RNF212: variants seen among roughly 807,000 people sequenced by gnomAD.
RNF212 encodes ring finger protein 212, also known as probable E3 SUMO-protein ligase RNF212.
RNF212 carries 33 observed loss-of-function variants against 34.7 expected under a neutral mutation model. That is an observed-to-expected ratio of 0.95 (90% confidence interval 0.72 to 1.27). RNF212 has a LOEUF of 1.27. Ranked by LOEUF, RNF212 falls within the 50% of genes most tolerant of loss-of-function variation. The pLI is 0.00. For synonymous variants in RNF212, 140 were observed against 136.1 expected (o/e 1.03, Z -0.20); for missense variants, 377 against 362.2 (o/e 1.04, Z -0.33).
At chr4:1,110,807 C>G (rs369975404) in intron 1 of RNF212, among the ~76,000 whole-genome samples, 6 of 152,164 alleles carry the variant, frequency 3.9e-5, no homozygotes, top group Non-Finnish European at 8.8e-5. Context: ...CCCTTTTCAC[C>G]ACTTTTTTGT....
intron 3 of RNF212, among the ~76,000 whole-genome samples, chr4:1,062,487 G>C (rs1200858604): frequency 2.0e-5 from 3 of 152,104 alleles, no homozygotes; most frequent in Non-Finnish European, 4.4e-5. Flanking sequence ...AGGACTAGAA[G>C]GGCACTTCTC....
chr4:1,102,079 G>A (rs569790140), intron 2 of RNF212, among the ~76,000 whole-genome samples: 2 of 152,134 alleles, frequency 1.3e-5, no homozygotes, highest in East Asian at 1.9e-4. Flanking sequence ...GAACACAGAA[G>A]GGAAGTTATG....
intron 3 of RNF212, chr4:1,093,676 T>C (rs1466620412): frequency 6.5e-7 from 1 of 1,536,064 alleles, no homozygotes; most frequent in Non-Finnish European, 8.7e-7. Flanking sequence ...AAAACCACCC[T>C]GGAGCGCACG....
chr4:1,112,813 C>CT (rs1725926283), intron 1 of RNF212, among the ~76,000 whole-genome samples: 1 of 103,086 alleles, frequency 9.7e-6, no homozygotes, highest in Non-Finnish European at 2.0e-5. Context: ...TCGGTATCCC[C>CT]CTTCCCCCCC....
Position 1,089,727 on chromosome 4 carries a change from G to A in RNF212, c.303+1055C>T, listed in dbSNP as rs903019252. Among the ~76,000 whole-genome samples the A allele has an allele frequency of 6.6e-5, 10 of 152,166 alleles. 1 individual carries two copies. Among genetic ancestry groups the A allele is most frequent in the East Asian group, 5.8e-4 (3 of 5,194 alleles). ...TTGGATCATGGGGGCAGTTTCCCCCGTGCTGTTCTCGTGATAGTAAGTTCT... is the reference window on the plus strand; with the variant it reads ...TTGGATCATGGGGGCAGTTTCCCCCATGCTGTTCTCGTGATAGTAAGTTCT... On this transcript the variant is annotated intron_variant, in intron 4 of 9. Coordinates refer to ENST00000433731, the MANE Select transcript of RNF212 (RefSeq NM_001131034.4).
intron 3 of RNF212, chr4:1,094,114 G>A (rs1722666538): frequency 2.2e-6 from 3 of 1,362,640 alleles, no homozygotes; most frequent in Non-Finnish European, 1.9e-6. Context: ...AGCCCATGAA[G>A]GAGAGTGCCA....
chr4:1,062,980 T>G (rs1000689070), intron 3 of RNF212, among the ~76,000 whole-genome samples: 1 of 152,184 alleles, frequency 6.6e-6, no homozygotes, highest in African/African-American at 2.4e-5. Context: ...ACAAAATACT[T>G]AGGAATAAAT....
chr4:1,059,866 G>A (rs10084887), intron 3 of RNF212, among the ~76,000 whole-genome samples: 123,422 of 152,140 alleles, frequency 0.81, 50,776 homozygotes, highest in African/African-American at 0.94. Flanking sequence ...AGGCCAAGGC[G>A]GGTGGATCAC....
intron 1 of RNF212, among the ~76,000 whole-genome samples, chr4:1,111,560 T>C (rs1005058143): frequency 2.6e-5 from 4 of 152,208 alleles, no homozygotes; most frequent in Admixed American, 2.6e-4. Flanking sequence ...CTCCGACTCA[T>C]GTCTGCTGAA....
intron 3 of RNF212, among the ~76,000 whole-genome samples, chr4:1,059,641 A>G (rs764700468): frequency 5.3e-5 from 8 of 152,242 alleles, no homozygotes; most frequent in South Asian, 2.1e-4. Flanking sequence ...CTGGGGAACT[A>G]TGAGTGGAAA....
intron 3 of RNF212, among the ~76,000 whole-genome samples, chr4:1,092,914 G>C (rs606327): frequency 6.6e-6 from 1 of 152,128 alleles, no homozygotes. Flanking sequence ...CTCACTCTTC[G>C]GTTCAATACC....
At chr4:1,099,702 T>C (rs765386079) in intron 2 of RNF212, 3 of 456,194 alleles carry the variant, frequency 6.6e-6, no homozygotes, top group South Asian at 1.5e-5. Flanking sequence ...CGAGGATACA[T>C]AGTTAAATCT....
chr4:1,059,411 G>A (rs1374387647), intron 3 of RNF212, among the ~76,000 whole-genome samples: 2 of 152,226 alleles, frequency 1.3e-5, no homozygotes, highest in East Asian at 1.9e-4. Flanking sequence ...GCATCTGGAG[G>A]CTTGTGGACC....
downstream of RNF212, among the ~76,000 whole-genome samples, chr4:1,068,424 TAG>T (rs1261335723): frequency 1.3e-5 from 2 of 152,240 alleles, no homozygotes; most frequent in Non-Finnish European, 2.9e-5. Flanking sequence ...GCTGTGTTTT[TAG>T]AGTTATGTTT....
chr4:1,097,845 G>A (rs1041187169), intron 2 of RNF212, among the ~76,000 whole-genome samples: 2 of 152,146 alleles, frequency 1.3e-5, no homozygotes, highest in African/African-American at 2.4e-5. Flanking sequence ...TGGGCAGATC[G>A]CTTGAGGTCA....
chr4:1,099,747 G>A (rs1170998792), intron 2 of RNF212: 4 of 456,136 alleles, frequency 8.8e-6, no homozygotes, highest in South Asian at 1.5e-5. Context: ...TGCGTCTGAC[G>A]TCATCATGGC....
Position 1,072,624 on chromosome 4 carries a change from A to G in RNF212, c.*250T>C. 8.6e-6 allele frequency: 9 copies of G among 1,051,142 alleles called. No homozygotes were observed. Among genetic ancestry groups the G allele is most frequent in the Non-Finnish European group, 1.1e-5 (9 of 845,908 alleles). 65.1% of individuals were successfully genotyped at this position (1,051,142 alleles called of 1,614,324 possible). A position where few individuals can be genotyped will look rare whatever the true frequency, so the allele number is the denominator to read the frequency against. ...AAAATGATTTAAGTATGTGAAAAAA[A>G]AACTCCCTAAGCATGAGAACCTATA... On this transcript the variant is annotated 3_prime_UTR_variant, in exon 10 of 10. Transcript: ENST00000433731.
intron 5 of RNF212, among the ~76,000 whole-genome samples, chr4:1,084,167 T>A (rs1720810032): frequency 6.6e-6 from 1 of 152,032 alleles, no homozygotes; most frequent in Non-Finnish European, 1.5e-5. Context: ...GTCAGGTTGG[T>A]CTCAAACTCC....
chr4:1,057,123 C>T (rs1039997308), intron 4 of RNF212: 2 of 312,848 alleles, frequency 6.4e-6, no homozygotes, highest in Non-Finnish European at 9.3e-6. Flanking sequence ...TCTCTGAGAA[C>T]CTCGGAGCAG....
Sources: allele counts gnomAD v4.1 joint callset (sites outside exome capture counted in the v4.1 genomes callset), GRCh38; gene constraint gnomAD v4.1.1; transcripts MANE v1.5; gene names NCBI Gene and HGNC (gene_info 2026-07-23, HGNC 2026-07-21).